TFB1M: variants seen among roughly 807,000 people sequenced by gnomAD.
TFB1M encodes the protein transcription factor B1, mitochondrial.
A neutral mutation model predicts 31.1 loss-of-function variants in TFB1M; 27 were observed. The observed-to-expected ratio is 0.87, with a 90% CI of 0.64 to 1.20. The LOEUF is 1.20. Among genes scored for constraint, TFB1M ranks in the 50% most tolerant of loss-of-function variants. TFB1M has a pLI of 0.00. For missense variants in TFB1M, 394 were observed against 418.7 expected, an observed-to-expected ratio of 0.94 and a Z score of 0.51; for synonymous variants, 166 against 151.8, an observed-to-expected ratio of 1.09 and a Z score of -0.69.
At chr6:155,264,376 A>T (rs927823655) in intron 5 of TFB1M, 9 of 152,196 alleles carry the variant, frequency 5.9e-5, no homozygotes, top group Non-Finnish European at 4.4e-5. Flanking sequence ...AATACTGACA[A>T]ATGTGAATGT....
chr6:155,263,737 A>G (rs1171663272), intron 5 of TFB1M, among the ~76,000 whole-genome samples: 2 of 152,174 alleles, frequency 1.3e-5, no homozygotes, highest in East Asian at 3.8e-4. Flanking sequence ...GTTCCTGATG[A>G]TTATCATATG....
intron 2 of TFB1M, among the ~76,000 whole-genome samples, chr6:155,304,151 G>T (rs139500007): frequency 2.0e-5 from 3 of 152,000 alleles, no homozygotes; most frequent in African/African-American, 7.2e-5. Context: ...GCATGGTAGC[G>T]GGCGCCTGTA....
intron 4 of TFB1M, among the ~76,000 whole-genome samples, chr6:155,286,670 CATATAT>C (rs202239606): frequency 1.4e-5 from 2 of 146,368 alleles, no homozygotes; most frequent in Non-Finnish European, 3.0e-5. Flanking sequence ...TGTATATATA[CATATAT>C]ATATATTTTT....
At chr6:155,311,363 A>C (rs576493668) in intron 1 of TFB1M, 24 bp from the exon 2 acceptor site, 90 of 1,608,486 alleles carry the variant, frequency 5.6e-5, no homozygotes, top group Non-Finnish European at 7.0e-5. Context: ...AGTTTTAGTT[A>C]TCTCAATTAA....
intron 5 of TFB1M, chr6:155,276,642 G>A (rs1785236834): frequency 3.1e-6 from 1 of 323,970 alleles, no homozygotes; most frequent in Non-Finnish European, 5.4e-6. Flanking sequence ...ACATTCATAA[G>A]GCAATTATTT....
chr6:155,250,125 A>T, the TFB1M span, among the ~76,000 whole-genome samples: 66 of 152,336 alleles, frequency 4.3e-4, no homozygotes, highest in African/African-American at 1.4e-3. Context: ...CACAATTTAC[A>T]TATAGACATA....
chr6:155,256,144 G>A lies in TFB1M; in HGVS notation c.*1692C>T, dbSNP rs1356122928. On this transcript the variant is annotated 3_prime_UTR_variant, in exon 7 of 7. Coordinates refer to ENST00000367166, the MANE Select transcript of TFB1M (RefSeq NM_016020.4). ...TACAAAGCACCTTAGTGAAAGAAAG[G>A]AGCCTAGATTTATTATTACCAATTA... The A allele has an allele frequency of 6.6e-6, 3 of 453,852 alleles. No homozygotes were observed. The highest frequency in any genetic ancestry group is 1.2e-5 in the Non-Finnish European group (3 of 258,792). The allele number at this position is 453,852 out of a possible 1,614,324, so 28.1% of individuals were successfully genotyped here.
intron 5 of TFB1M, among the ~76,000 whole-genome samples, chr6:155,282,647 GC>G (rs962671869): frequency 2.6e-5 from 4 of 152,112 alleles, no homozygotes; most frequent in African/African-American, 7.2e-5. Flanking sequence ...CTTCTTGTAT[GC>G]AGAAGGTTTA....
intron 5 of TFB1M, among the ~76,000 whole-genome samples, chr6:155,266,279 A>G (rs1285375441): frequency 6.6e-6 from 1 of 152,166 alleles, no homozygotes; most frequent in Non-Finnish European, 1.5e-5. Context: ...ATCCCAGAAA[A>G]TTAAATAAAA....
At chr6:155,281,771 T>C (rs2114729724) in intron 5 of TFB1M, among the ~76,000 whole-genome samples, 1 of 150,754 alleles carries the variant, frequency 6.6e-6, no homozygotes, top group Admixed American at 6.6e-5. Context: ...AAAAAGCCTT[T>C]CCACTCTTTA....
chr6:155,288,908 C>T (rs1776782422), intron 4 of TFB1M, among the ~76,000 whole-genome samples: 1 of 152,190 alleles, frequency 6.6e-6, no homozygotes, highest in African/African-American at 2.4e-5. Flanking sequence ...AAAAATTCAA[C>T]ATCCATTACA....
chr6:155,268,141 T>G (rs138278690), intron 5 of TFB1M, among the ~76,000 whole-genome samples: 106 of 152,340 alleles, frequency 7.0e-4, no homozygotes, highest in African/African-American at 2.4e-3. Context: ...ATATCTCTAC[T>G]CATCTAGTTA....
At chr6:155,295,735 T>C (rs948479285) in intron 4 of TFB1M, among the ~76,000 whole-genome samples, 9 of 152,164 alleles carry the variant, frequency 5.9e-5, no homozygotes, top group African/African-American at 9.7e-5. Context: ...AAAAGGATGG[T>C]TGCATCTGTA....
In TFB1M at chr6:155,276,239, T is replaced by C; in HGVS notation, c.666+8919A>G. The C allele has an allele frequency of 1.9e-6, 3 of 1,614,106 alleles. No homozygotes were observed. The South Asian group carries it at 3.3e-5, about 18-fold the overall frequency. On this transcript the variant is annotated intron_variant, in intron 5 of 6. Coordinates refer to ENST00000367166, the MANE Select transcript of TFB1M (RefSeq NM_016020.4). ...TATCGGATTCATTTCTGCAATGCTG[T>C]TGTTTATCTCTGGCATGATTTTCTG... is the stretch of plus-strand genomic sequence containing the variant.
intron 4 of TFB1M, among the ~76,000 whole-genome samples, 190 bp downstream of exon 4, chr6:155,296,763 C>G (rs558695159): frequency 6.7e-6 from 1 of 149,696 alleles, no homozygotes; most frequent in South Asian, 2.1e-4. Context: ...CATGTTTTCC[C>G]AGAAGCCCAC....
At chr6:155,311,786 CAAA>C (rs748237620) in intron 1 of TFB1M, among the ~76,000 whole-genome samples, 27 of 152,130 alleles carry the variant, frequency 1.8e-4, no homozygotes, top group African/African-American at 4.1e-4. Flanking sequence ...AATCCAAAAG[CAAA>C]AAGTGCTGAA....
chr6:155,287,551 AGT>A (rs150032717), intron 4 of TFB1M, among the ~76,000 whole-genome samples: 47 of 147,554 alleles, frequency 3.2e-4, no homozygotes, highest in East Asian at 1.4e-3. Context: ...ATTTACTCTG[AGT>A]GTGTGTGTGT....
At chr6:155,239,656 G>A in the TFB1M span, among the ~76,000 whole-genome samples, 1 of 152,194 alleles carries the variant, frequency 6.6e-6, no homozygotes, top group Non-Finnish European at 1.5e-5. Flanking sequence ...CCCCCAGATG[G>A]TCATGTTCCT....
At chr6:155,282,787 G>T (rs1000100207) in intron 5 of TFB1M, among the ~76,000 whole-genome samples, 1 of 151,748 alleles carries the variant, frequency 6.6e-6, no homozygotes, top group Non-Finnish European at 1.5e-5. Context: ...GAGTGCAGTG[G>T]TGCCATCTCG....
Sources: allele counts gnomAD v4.1 joint callset (sites outside exome capture counted in the v4.1 genomes callset), GRCh38; gene constraint gnomAD v4.1.1; transcripts MANE v1.5; gene names NCBI Gene and HGNC (gene_info 2026-07-23, HGNC 2026-07-21).